Variants in RBFOX2 observed in about 807,000 individuals in gnomAD.
RBFOX2 encodes the protein RNA binding protein fox-1 homolog 2.
Under a neutral mutation model 49.1 loss-of-function variants are expected in RBFOX2, and 10 were observed. The observed-to-expected ratio is 0.20, with a 90% CI of 0.13 to 0.35. The LOEUF (loss-of-function observed/expected upper bound fraction) is 0.35, where lower values mean the gene tolerates loss of function less well. Ranked by LOEUF, RBFOX2 falls within the 10% of genes least tolerant of loss-of-function variation. The pLI, the probability that RBFOX2 is intolerant of heterozygous loss-of-function variation, is 1.00. For synonymous variants in RBFOX2, 183 were observed against 187.4 expected (o/e 0.98, Z 0.19); for missense variants, 323 against 486.9 (o/e 0.66, Z 3.17).
intron 5 of RBFOX2, among the ~76,000 whole-genome samples, chr22:35,767,127 C>G (rs1227656819): frequency 1.3e-5 from 2 of 151,930 alleles, no homozygotes; most frequent in African/African-American, 2.4e-5. Flanking sequence ...AAAAAAATCA[C>G]CATGAAGTCA....
At chr22:35,841,888 G>A (rs371107504), upstream of RBFOX2, among the ~76,000 whole-genome samples, 14 of 152,068 alleles carry the variant, frequency 9.2e-5, no homozygotes, top group East Asian at 7.7e-4. Context: ...TGCAGTACCA[G>A]GCTTTTAAAA....
intron 1 of RBFOX2, among the ~76,000 whole-genome samples, chr22:35,991,889 A>C (rs1213569502): frequency 3.9e-5 from 6 of 152,170 alleles, no homozygotes; most frequent in Non-Finnish European, 7.3e-5. Flanking sequence ...AAAATTAACA[A>C]ATCAAACAAT....
chr22:35,970,120 A>G (rs1436818543), intron 1 of RBFOX2, among the ~76,000 whole-genome samples: 1 of 152,228 alleles, frequency 6.6e-6, no homozygotes, highest in Non-Finnish European at 1.5e-5. Context: ...AATTGAGAAC[A>G]TAATTCTCCG....
At chr22:35,990,909 G>C (rs983685726) in intron 1 of RBFOX2, among the ~76,000 whole-genome samples, 2 of 152,100 alleles carry the variant, frequency 1.3e-5, no homozygotes, top group African/African-American at 2.4e-5. Flanking sequence ...ATTGGAGAGG[G>C]GAGAGAGAGA....
chr22:36,017,460 G>A (rs1603467791), intron 1 of RBFOX2, among the ~76,000 whole-genome samples: 2 of 152,034 alleles, frequency 1.3e-5, no homozygotes, highest in Admixed American at 6.6e-5. Context: ...CCCGGGAGGC[G>A]GAGGTTGCAG....
At chr22:35,756,817 C>T (rs1314251307) in intron 9 of RBFOX2, among the ~76,000 whole-genome samples, 1 of 151,404 alleles carries the variant, frequency 6.6e-6, no homozygotes, top group East Asian at 1.9e-4. Flanking sequence ...CTCAGAAAAA[C>T]AAGTCAATCA....
At chr22:35,738,864 A>G (rs370502120) in exon 12 of RBFOX2, 1 of 152,644 alleles carries the variant, frequency 6.6e-6, no homozygotes, top group Non-Finnish European at 1.5e-5. Flanking sequence ...CATGGAGAGT[A>G]ATACAAAAAA....
At chr22:35,915,447 C>T (rs1436800443) in intron 1 of RBFOX2, among the ~76,000 whole-genome samples, 1 of 152,204 alleles carries the variant, frequency 6.6e-6, no homozygotes, top group Admixed American at 6.5e-5. Context: ...AAGTTTCTCT[C>T]TCCCATTTCA....
At chr22:35,885,370 T>C (rs879695085) in intron 1 of RBFOX2, among the ~76,000 whole-genome samples, 1 of 152,184 alleles carries the variant, frequency 6.6e-6, no homozygotes, top group Admixed American at 6.5e-5. Flanking sequence ...AAATAAATCA[T>C]TAAGAATATT....
chr22:36,006,602 T>A (rs1569522143), intron 1 of RBFOX2, among the ~76,000 whole-genome samples: 1 of 152,224 alleles, frequency 6.6e-6, no homozygotes, highest in Non-Finnish European at 1.5e-5. Flanking sequence ...TCCTACATGA[T>A]TGCAAGAGAA....
chr22:35,788,031 T>C (rs921276623), intron 2 of RBFOX2, among the ~76,000 whole-genome samples: 3 of 152,220 alleles, frequency 2.0e-5, no homozygotes, highest in Admixed American at 6.5e-5. Flanking sequence ...CGGCACCAAT[T>C]ACACTTAATA....
intron 1 of RBFOX2, among the ~76,000 whole-genome samples, chr22:35,867,697 T>C (rs1464541807): frequency 6.6e-6 from 1 of 152,226 alleles, no homozygotes; most frequent in Non-Finnish European, 1.5e-5. Context: ...CTTTGAAAAC[T>C]ATTTTATGAA....
At chr22:35,809,877 C>A (rs1429129191) in exon 2 of RBFOX2, 2 of 1,613,864 alleles carry the variant, frequency 1.2e-6, no homozygotes, top group African/African-American at 2.7e-5. Flanking sequence ...ACCGGTCTGG[C>A]CGGCATAGTC....
chr22:35,860,151 G>A (rs1008680874), intron 1 of RBFOX2, among the ~76,000 whole-genome samples: 2 of 151,978 alleles, frequency 1.3e-5, no homozygotes, highest in Non-Finnish European at 2.9e-5. Flanking sequence ...CTTGAATTTG[G>A]TCTTAGCTTT....
chr22:35,810,094 T>C, intron 1 of RBFOX2, 90 bp from the exon 3 acceptor site: 2 of 1,271,344 alleles, frequency 1.6e-6, no homozygotes, highest in Non-Finnish European at 2.2e-6. Context: ...TCTCTGAATA[T>C]TCTCTCACTG....
In RBFOX2 at chr22:36,021,935, T is replaced by A. The variant is rs138389383; in HGVS notation, c.186+6305A>T. On this transcript the variant is annotated intron_variant, in intron 1 of 13. Coordinates refer to the RBFOX2 transcript ENST00000438146. ...AGGAGAATAAGAAGAAACTCAATACTCCTAGGGGCCACCTAAAACACCAAA... is the reference window on the plus strand; with the variant it reads ...AGGAGAATAAGAAGAAACTCAATACACCTAGGGGCCACCTAAAACACCAAA... Among the ~76,000 whole-genome samples, 533 of 152,282 alleles carry A rather than the reference T, an allele frequency of 3.5e-3. 1 individual carries two copies. The highest frequency in any genetic ancestry group is 0.011 in the African/African-American group (474 of 41,554).
intron 1 of RBFOX2, among the ~76,000 whole-genome samples, chr22:35,976,871 G>A (rs948796047): frequency 3.9e-5 from 6 of 151,980 alleles, no homozygotes; most frequent in African/African-American, 1.2e-4. Context: ...GGCTGAGGCA[G>A]GAGAATCTCT....
intron 1 of RBFOX2, among the ~76,000 whole-genome samples, chr22:36,023,630 T>C (rs1185975085): frequency 1.3e-5 from 2 of 152,228 alleles, no homozygotes; most frequent in African/African-American, 2.4e-5. Flanking sequence ...AATAGCCCTA[T>C]ATTTAACTCA....
rs550801907 is a variant in RBFOX2, at chr22:35,884,743, A to G, written c.-34+54104T>C. 3.9e-5 allele frequency among the ~76,000 whole-genome samples: 6 copies of G among 152,358 alleles called. 1 individual carries two copies. In the South Asian group the frequency reaches 1.2e-3, roughly 32 times the overall value. ...GCCTATAAGGGGAAGATAATACACAAGGGTATGAATATCAGGAGGTGGGGA... is the reference window on the plus strand; with the variant it reads ...GCCTATAAGGGGAAGATAATACACAGGGGTATGAATATCAGGAGGTGGGGA... On this transcript the variant is annotated intron_variant, in intron 1 of 13. Transcript: ENST00000359369.
Sources: allele counts gnomAD v4.1 joint callset (sites outside exome capture counted in the v4.1 genomes callset), GRCh38; gene constraint gnomAD v4.1.1; transcripts MANE v1.5; gene names NCBI Gene and HGNC (gene_info 2026-07-23, HGNC 2026-07-21).